TMEM45A: variants seen among roughly 807,000 people sequenced by gnomAD.
TMEM45A encodes the protein transmembrane protein 45A.
In TMEM45A, 25 loss-of-function variants were observed where a neutral mutation model predicts 32.0. The observed-to-expected ratio is 0.78, with a 90% CI of 0.57 to 1.09. The LOEUF (loss-of-function observed/expected upper bound fraction) is 1.09, where lower values mean the gene tolerates loss of function less well. Among genes scored for constraint, TMEM45A ranks in the 50% least tolerant of loss-of-function variants. The pLI is 0.00. For synonymous variants in TMEM45A, 122 were observed against 114.8 expected, an observed-to-expected ratio of 1.06 and a Z score of -0.40; for missense variants, 302 against 325.0, an observed-to-expected ratio of 0.93 and a Z score of 0.54.
At position 100,555,406 on chromosome 3, in the gene TMEM45A, G is replaced by C; in HGVS notation, c.190+5G>C. 2 of 1,611,840 alleles carry C rather than the reference G, an allele frequency of 1.2e-6. No homozygotes were observed. Among genetic ancestry groups the C allele is most frequent in the Non-Finnish European group, 1.7e-6 (2 of 1,178,634 alleles). ...TAGTTGGCATGGCTTTAACTGGTGA[G>C]TGGACCATTCTGTGTTCTATTTTTA... On this transcript the variant is annotated splice_donor_5th_base_variant and intron_variant, in intron 2 of 5. Transcript: ENST00000323523.
intron 1 of TMEM45A, among the ~76,000 whole-genome samples, chr3:100,513,261 T>A (rs1014219361): frequency 8.4e-4 from 128 of 151,982 alleles, no homozygotes; most frequent in Non-Finnish European, 1.7e-3. Flanking sequence ...GCAGCACATC[T>A]AAAAGCTTAT....
intron 1 of TMEM45A, among the ~76,000 whole-genome samples, chr3:100,541,830 T>C (rs767135595): frequency 6.6e-6 from 1 of 152,132 alleles, no homozygotes; most frequent in Non-Finnish European, 1.5e-5. Flanking sequence ...AAGCTAGGGG[T>C]CAAGGTTCAT....
At chr3:100,510,467 G>C (rs1197049851) in intron 1 of TMEM45A, among the ~76,000 whole-genome samples, 1 of 152,182 alleles carries the variant, frequency 6.6e-6, no homozygotes, top group Non-Finnish European at 1.5e-5. Flanking sequence ...AAACCCATCT[G>C]TACATCACCA....
intron 4 of TMEM45A, among the ~76,000 whole-genome samples, chr3:100,560,984 AT>A (rs1706320353): frequency 1.3e-5 from 2 of 152,274 alleles, no homozygotes; most frequent in South Asian, 4.2e-4. Flanking sequence ...TAAATCCGTG[AT>A]TATTTAGAAA....
rs556275679 is a variant in TMEM45A, at chr3:100,528,186, A to G, written c.-3-27023A>G. Among the ~76,000 whole-genome samples the G allele has an allele frequency of 4.6e-5, 7 of 152,344 alleles. No individual in the cohort carries two copies. The South Asian group carries it at 1.4e-3, about 32-fold the overall frequency. ...ACAGTGGTGCCAAGGGTTGAAGGAC[A>G]GGAACTAAAAACATGGGTTGTATTC... On this transcript the variant is annotated intron_variant, in intron 1 of 5. Transcript: ENST00000323523.
chr3:100,568,858 G>C lies in TMEM45A; in HGVS notation c.625G>C (p.Ala209Pro). 1 of 1,613,594 alleles carries C rather than the reference G, an allele frequency of 6.2e-7. No homozygotes were observed. The highest frequency in any genetic ancestry group is 8.5e-7 in the Non-Finnish European group (1 of 1,179,618). Residue 209 changes from alanine (A) to proline (P), a missense_variant, in exon 5 of 6, where the codon GCA becomes CCA. Physicochemically the swap from Ala to Pro is conservative, Grantham distance 27. Coordinates refer to ENST00000323523, the MANE Select transcript of TMEM45A (RefSeq NM_018004.3). Reference sequence around the variant, plus strand: ...CCTGTATCCCCCCAGTGGAGGTCCTGCATGGGATCTGATGGATCATGAAAA... The same window carrying C: ...CCTGTATCCCCCCAGTGGAGGTCCTCCATGGGATCTGATGGATCATGAAAA... ...FVLYPPSGGP[A>P]WDLMDHENIL...
At chr3:100,512,024 G>A (rs978864606) in intron 1 of TMEM45A, among the ~76,000 whole-genome samples, 8 of 151,954 alleles carry the variant, frequency 5.3e-5, no homozygotes, top group African/African-American at 1.9e-4. Context: ...CATTAATAAT[G>A]GGAGACTTTA....
chr3:100,504,183 A>T (rs1241005104), intron 1 of TMEM45A, among the ~76,000 whole-genome samples: 1 of 152,020 alleles, frequency 6.6e-6, no homozygotes, highest in Non-Finnish European at 1.5e-5. Context: ...AGACCTCTCA[A>T]ATTATCTGTG....
At chr3:100,516,550 C>G (rs1000445984) in intron 1 of TMEM45A, among the ~76,000 whole-genome samples, 8 of 152,126 alleles carry the variant, frequency 5.3e-5, no homozygotes, top group Non-Finnish European at 8.8e-5. Context: ...CAGTCTTATT[C>G]CCACGTCCTC....
intron 5 of TMEM45A, among the ~76,000 whole-genome samples, 181 bp from the exon 6 acceptor site, chr3:100,576,744 C>A (rs1455200015): frequency 6.6e-6 from 1 of 152,234 alleles, no homozygotes; most frequent in East Asian, 1.9e-4. Context: ...TTTACTTATA[C>A]CCTGCTTTAA....
At chr3:100,516,679 A>G (rs985425024) in intron 1 of TMEM45A, among the ~76,000 whole-genome samples, 31 of 152,214 alleles carry the variant, frequency 2.0e-4, no homozygotes, top group Admixed American at 2.0e-3. Flanking sequence ...AGAAAAGGCT[A>G]TGATGGGATA....
intron 1 of TMEM45A, among the ~76,000 whole-genome samples, chr3:100,553,406 A>G (rs1706146476): frequency 6.6e-6 from 1 of 152,122 alleles, no homozygotes; most frequent in African/African-American, 2.4e-5. Context: ...TTGTATTTCC[A>G]TTTATATTTG....
intron 4 of TMEM45A, among the ~76,000 whole-genome samples, chr3:100,558,875 C>T (rs138226323): frequency 6.6e-6 from 1 of 152,310 alleles, no homozygotes; most frequent in African/African-American, 2.4e-5. Context: ...GACACTAAAG[C>T]AGCTTATAGC....
At chr3:100,495,340 G>A (rs75931135) in intron 1 of TMEM45A, among the ~76,000 whole-genome samples, 1,954 of 152,292 alleles carry the variant, frequency 0.013, 30 homozygotes, top group African/African-American at 0.044. Context: ...TGGGAGGAAG[G>A]GAAGGGATTA....
intron 3 of TMEM45A, 91 bp downstream of exon 3, chr3:100,557,063 C>A: frequency 7.2e-7 from 1 of 1,391,046 alleles, no homozygotes; most frequent in South Asian, 1.2e-5. Context: ...CATCTTGTTG[C>A]AGCCTTGATT....
chr3:100,523,889 T>A (rs569646995), intron 1 of TMEM45A, among the ~76,000 whole-genome samples: 1 of 152,266 alleles, frequency 6.6e-6, no homozygotes, highest in East Asian at 1.9e-4. Flanking sequence ...GTGTGCTAAT[T>A]GAATGAAGGA....
At chr3:100,564,081 C>T (rs922749786) in intron 4 of TMEM45A, among the ~76,000 whole-genome samples, 1 of 152,208 alleles carries the variant, frequency 6.6e-6, no homozygotes, top group African/African-American at 2.4e-5. Flanking sequence ...GTGTGCATTA[C>T]TTAATTTTCC....
intron 1 of TMEM45A, among the ~76,000 whole-genome samples, chr3:100,532,157 C>A (rs1576274145): frequency 6.6e-6 from 1 of 152,060 alleles, no homozygotes; most frequent in South Asian, 2.1e-4. Flanking sequence ...TACTTGGAGT[C>A]AAATGGTGTG....
In TMEM45A at chr3:100,506,861, T is replaced by A. The variant is rs141988711; in HGVS notation, c.-4+13933T>A. On this transcript the variant is annotated intron_variant, in intron 1 of 5. Transcript: ENST00000323523. ...AAGGACCAAACCAGGCAGGCCAAGA[T>A]CTTGGACAGGTCTGAGGGGGCTAGC... Among the ~76,000 whole-genome samples the A allele has an allele frequency of 2.0e-4, 31 of 152,272 alleles. 2 individuals carry two copies. The East Asian group carries it at 5.6e-3, about 27-fold the overall frequency.
Sources: gnomAD v4.1 joint callset for allele counts (sites outside exome capture counted in the v4.1 genomes callset) on GRCh38, gnomAD v4.1.1 for gene constraint, MANE v1.5 for transcripts, NCBI Gene and HGNC (gene_info 2026-07-23, HGNC 2026-07-21) for gene names.